Variants in CNTNAP5 observed in about 807,000 individuals in gnomAD.
CNTNAP5 encodes the protein contactin-associated protein-like 5.
Under a neutral mutation model 150.2 loss-of-function variants are expected in CNTNAP5, and 72 were observed. That is an observed-to-expected ratio of 0.48 (90% CI 0.40 to 0.58). The LOEUF is 0.58. Ranked by LOEUF, CNTNAP5 falls within the 20% of genes least tolerant of loss-of-function variation. The pLI is 0.00. For missense variants in CNTNAP5, 1,636 were observed against 1,626.2 expected, an observed-to-expected ratio of 1.01 and a Z score of -0.10; for synonymous variants, 672 against 619.8, an observed-to-expected ratio of 1.08 and a Z score of -1.25.
intron 13 of CNTNAP5, among the ~76,000 whole-genome samples, chr2:124,745,558 T>C (rs897871711): frequency 1.3e-5 from 2 of 152,160 alleles, no homozygotes; most frequent in Admixed American, 6.5e-5. Context: ...CGAGCAGGGA[T>C]TTAGGAAGAA....
At chr2:124,861,660 A>G (rs1248609514) in intron 19 of CNTNAP5, among the ~76,000 whole-genome samples, 1 of 152,280 alleles carries the variant, frequency 6.6e-6, no homozygotes, top group Non-Finnish European at 1.5e-5. Context: ...AAGAAGAAGA[A>G]GAAGCAGCTA....
chr2:124,333,938 T>A (rs1013245280), intron 3 of CNTNAP5, among the ~76,000 whole-genome samples: 3 of 152,198 alleles, frequency 2.0e-5, no homozygotes, highest in Admixed American at 6.5e-5. Context: ...ATTGCTGGTC[T>A]TGCTGGTGAC....
chr2:124,869,008 G>GTA (rs560449885), intron 20 of CNTNAP5, among the ~76,000 whole-genome samples: 27 of 152,224 alleles, frequency 1.8e-4, no homozygotes, highest in African/African-American at 5.8e-4. Flanking sequence ...ATTAGCCATG[G>GTA]GTGAAGTAAG....
At chr2:124,139,958 G>T (rs569074657) in intron 1 of CNTNAP5, among the ~76,000 whole-genome samples, 1 of 152,164 alleles carries the variant, frequency 6.6e-6, no homozygotes. Flanking sequence ...GAAGCAGGGC[G>T]AGGCATTGCC....
intron 3 of CNTNAP5, among the ~76,000 whole-genome samples, chr2:124,287,147 T>C (rs945294028): frequency 1.3e-5 from 2 of 152,172 alleles, no homozygotes; most frequent in African/African-American, 2.4e-5. Flanking sequence ...CAATGTTAGC[T>C]ACAATCGGGT....
intron 1 of CNTNAP5, among the ~76,000 whole-genome samples, chr2:124,092,356 A>G (rs1682835240): frequency 1.3e-5 from 2 of 152,224 alleles, no homozygotes; most frequent in Admixed American, 1.3e-4. Context: ...TTTGTAGGCT[A>G]CATATCATCC....
chr2:124,482,735 C>G (rs1480264360), intron 7 of CNTNAP5, among the ~76,000 whole-genome samples: 1 of 152,108 alleles, frequency 6.6e-6, no homozygotes, highest in Non-Finnish European at 1.5e-5. Context: ...TCCCACTGCT[C>G]CCTGGCTCCC....
intron 3 of CNTNAP5, among the ~76,000 whole-genome samples, chr2:124,301,618 T>C (rs114509217): frequency 6.6e-6 from 1 of 152,222 alleles, no homozygotes; most frequent in African/African-American, 2.4e-5. Context: ...CCATTCACTG[T>C]GTACTTCCTA....
At chr2:124,614,996 A>G (rs1044975262) in intron 12 of CNTNAP5, among the ~76,000 whole-genome samples, 1 of 151,604 alleles carries the variant, frequency 6.6e-6, no homozygotes, top group Non-Finnish European at 1.5e-5. Context: ...AAAAAAAAAA[A>G]ACCAAAGTCT....
At chr2:124,467,108 A>T (rs1693395407) in intron 6 of CNTNAP5, among the ~76,000 whole-genome samples, 1 of 152,100 alleles carries the variant, frequency 6.6e-6, no homozygotes. Flanking sequence ...ACACATACTA[A>T]CCCCATGTGT....
chr2:124,747,535 T>C lies in CNTNAP5; in HGVS notation c.2234+150T>C, dbSNP rs571715543. On this transcript the variant is annotated intron_variant, in intron 14 of 23. Transcript: ENST00000682447. ...TTTTGTTTTTTAACCTTAAAAATGG[T>C]AAATTCTAGTGTTTTCAGTATGACA... The C allele has an allele frequency of 3.9e-4, 331 of 856,982 alleles. 2 individuals are homozygous for C. Among genetic ancestry groups the C allele is most frequent in the Middle Eastern group, 3.5e-3 (12 of 3,478 alleles). The allele number at this position is 856,982 out of a possible 1,614,324, so 53.1% of individuals were successfully genotyped here.
chr2:124,339,173 T>A (rs1689547793), intron 3 of CNTNAP5, among the ~76,000 whole-genome samples: 2 of 152,132 alleles, frequency 1.3e-5, no homozygotes, highest in South Asian at 4.1e-4. Context: ...TTTAAAAACT[T>A]TGACAAGCAT....
Position 124,920,554 on chromosome 2 carries a change from T to C in CNTNAP5, c.*6266T>C, listed in dbSNP as rs1678852480. ...ACATTGAGAAAGAGACTGCCTTTAG[T>C]GAGGACAAAGACCAAGAATTTTCTC... On this transcript the variant is annotated 3_prime_UTR_variant, in exon 24 of 24. Coordinates refer to ENST00000682447, the MANE Select transcript of CNTNAP5 (RefSeq NM_001367498.1). Among the ~76,000 whole-genome samples the C allele has an allele frequency of 6.6e-6, 1 of 152,138 alleles. No individual in the cohort carries two copies. The highest frequency in any genetic ancestry group is 1.5e-5 in the Non-Finnish European group (1 of 68,008).
intron 1 of CNTNAP5, among the ~76,000 whole-genome samples, chr2:124,035,678 A>G (rs951496362): frequency 6.6e-6 from 1 of 152,118 alleles, no homozygotes; most frequent in South Asian, 2.1e-4. Context: ...TATTATATCC[A>G]TGTTTATACT....
At chr2:124,352,843 T>C (rs1689906222) in intron 3 of CNTNAP5, among the ~76,000 whole-genome samples, 1 of 152,176 alleles carries the variant, frequency 6.6e-6, no homozygotes, top group Non-Finnish European at 1.5e-5. Flanking sequence ...TGAAAATCCA[T>C]GAATTGACCC....
At chr2:124,085,057 G>T (rs1682652473) in intron 1 of CNTNAP5, among the ~76,000 whole-genome samples, 1 of 150,678 alleles carries the variant, frequency 6.6e-6, no homozygotes, top group Non-Finnish European at 1.5e-5. Flanking sequence ...AAGTAGCTGG[G>T]ATTACAGGCA....
At chr2:124,438,605 A>G (rs912381331) in intron 5 of CNTNAP5, among the ~76,000 whole-genome samples, 2 of 152,146 alleles carry the variant, frequency 1.3e-5, no homozygotes, top group African/African-American at 4.8e-5. Flanking sequence ...GCGCCAAAGC[A>G]TGTGATTGCA....
In CNTNAP5 at chr2:124,873,474, T is replaced by C. The variant is rs77627783; in HGVS notation, c.3436+3712T>C. On this transcript the variant is annotated intron_variant, in intron 21 of 23. Transcript: ENST00000682447. ...GGAGACATCTGCTCACTGGGCTGCC[T>C]TCCCATTTGAACTGCCGTTGAACAG... is the stretch of plus-strand genomic sequence containing the variant. Among the ~76,000 whole-genome samples the C allele has an allele frequency of 9.2e-3, 1,396 of 152,222 alleles. 24 individuals carry two copies. Among genetic ancestry groups the C allele is most frequent in the African/African-American group, 0.031 (1,293 of 41,564 alleles).
chr2:124,548,312 C>G (rs1380896895), intron 10 of CNTNAP5, among the ~76,000 whole-genome samples: 1 of 152,094 alleles, frequency 6.6e-6, no homozygotes, highest in Non-Finnish European at 1.5e-5. Flanking sequence ...CTGTGGCCAC[C>G]AGCAGTTTTA....
Sources: allele counts gnomAD v4.1 joint callset (sites outside exome capture counted in the v4.1 genomes callset), GRCh38; gene constraint gnomAD v4.1.1; transcripts MANE v1.5; gene names NCBI Gene and HGNC (gene_info 2026-07-23, HGNC 2026-07-21).